TXNRD1: variants seen among roughly 807,000 people sequenced by gnomAD.
TXNRD1 encodes thioredoxin reductase 1, also known as thioredoxin reductase 1, cytoplasmic.
Under a neutral mutation model 80.3 loss-of-function variants are expected in TXNRD1, and 57 were observed. The ratio of observed to expected loss-of-function variants is 0.71; its 90% CI spans 0.57 to 0.89. TXNRD1 has a LOEUF of 0.89. Ranked by LOEUF, TXNRD1 falls within the 40% of genes least tolerant of loss-of-function variation. The pLI is 0.00. For synonymous variants in TXNRD1, 291 were observed against 285.2 expected (o/e 1.02, Z -0.20); for missense variants, 730 against 803.0 (o/e 0.91, Z 1.10).
At chr12:104,307,981 C>A (rs933172266) in intron 4 of TXNRD1, among the ~76,000 whole-genome samples, 1 of 150,742 alleles carries the variant, frequency 6.6e-6, no homozygotes, top group Non-Finnish European at 1.5e-5. Flanking sequence ...TAGTAAGATG[C>A]TGTTTGCCCT....
intron 3 of TXNRD1, chr12:104,288,596 C>T: frequency 2.5e-6 from 1 of 401,308 alleles, no homozygotes; most frequent in African/African-American, 2.0e-5. Context: ...TTTTTTGAAG[C>T]TTTTCTGAAT....
chr12:104,277,127 C>T (rs544568103), intron 3 of TXNRD1, among the ~76,000 whole-genome samples: 1 of 151,244 alleles, frequency 6.6e-6, no homozygotes, highest in Admixed American at 6.6e-5. Flanking sequence ...TGCGGTGGCT[C>T]ATGACTGTAA....
In TXNRD1 at chr12:104,348,532, C is replaced by T. The variant is rs11611385; in HGVS notation, c.*111C>T. On this transcript the variant is annotated 3_prime_UTR_variant, in exon 17 of 17. Transcript: ENST00000525566. ...CTTGGGCTCTTGGCACCTGCGTGTCCTGTGCTTACCACCGCCCAAGGCCCC... is the reference window on the plus strand; with the variant it reads ...CTTGGGCTCTTGGCACCTGCGTGTCTTGTGCTTACCACCGCCCAAGGCCCC... 84,631 of 997,014 alleles carry T rather than the reference C, an allele frequency of 0.085. 4,758 individuals carry two copies. The highest frequency in any genetic ancestry group is 0.22 in the East Asian group (9,279 of 41,482). The allele number at this position is 997,014 out of a possible 1,614,324, so 61.8% of individuals were successfully genotyped here.
Position 104,316,611 on chromosome 12 carries a change from G to A in TXNRD1, c.730+715G>A, listed in dbSNP as rs182258717. Among the ~76,000 whole-genome samples, 128 of 152,122 alleles carry A rather than the reference G, an allele frequency of 8.4e-4. 1 individual carries two copies. The highest frequency in any genetic ancestry group is 1.9e-3 in the Admixed American group (29 of 15,272). On this transcript the variant is annotated intron_variant, in intron 7 of 16. Transcript: ENST00000525566. ...TTACCATGTTAGCCAGGATGGTCTC[G>A]ATCTCCTGACCTCATGATCCACCTG...
intron 6 of TXNRD1, 43 bp downstream of exon 6, chr12:104,313,360 T>G: frequency 6.8e-7 from 1 of 1,464,920 alleles, no homozygotes; most frequent in Non-Finnish European, 9.2e-7. Context: ...GCCGAAGTAG[T>G]TTTCCCCTGG....
intron 1 of TXNRD1, among the ~76,000 whole-genome samples, chr12:104,241,447 C>T (rs12303879): frequency 0.023 from 3,457 of 151,950 alleles, 128 homozygotes; most frequent in African/African-American, 0.075. Context: ...CTCGGCTCAC[C>T]GCAAACTTCG....
intron 1 of TXNRD1, among the ~76,000 whole-genome samples, chr12:104,235,139 G>C (rs185688266): frequency 2.6e-5 from 4 of 152,290 alleles, no homozygotes; most frequent in Admixed American, 2.6e-4. Flanking sequence ...CATTCTTCTG[G>C]TCACTGTGAG....
At chr12:104,265,125 G>A (rs1340258306) in intron 3 of TXNRD1, among the ~76,000 whole-genome samples, 5 of 151,996 alleles carry the variant, frequency 3.3e-5, no homozygotes, top group African/African-American at 9.7e-5. Flanking sequence ...GGTGGCATGC[G>A]CCTGTAGTCC....
At chr12:104,227,926 A>C (rs562535491) in intron 1 of TXNRD1, among the ~76,000 whole-genome samples, 61 of 152,218 alleles carry the variant, frequency 4.0e-4, no homozygotes, top group African/African-American at 1.4e-3. Context: ...TTGTCCTTTC[A>C]TTCATTGAAG....
intron 3 of TXNRD1, among the ~76,000 whole-genome samples, chr12:104,277,417 TAGTC>T (rs1417596137): frequency 7.1e-6 from 1 of 141,682 alleles, no homozygotes; most frequent in Non-Finnish European, 1.5e-5. Flanking sequence ...AAAAAAAAAT[TAGTC>T]AGGCACGGTA....
chr12:104,302,714 C>T (rs1393243442), intron 4 of TXNRD1, among the ~76,000 whole-genome samples: 1 of 152,016 alleles, frequency 6.6e-6, no homozygotes, highest in African/African-American at 2.4e-5. Flanking sequence ...TGGTCTCGAT[C>T]TCCTGACCTC....
chr12:104,224,575 G>A (rs1313667308), intron 1 of TXNRD1, among the ~76,000 whole-genome samples: 7 of 151,948 alleles, frequency 4.6e-5, no homozygotes, highest in Admixed American at 1.3e-4. Context: ...TAGTAAAGAC[G>A]GGGTTTCACC....
At chr12:104,345,984 G>A (rs2036477325) in intron 16 of TXNRD1, 1 of 1,288,722 alleles carries the variant, frequency 7.8e-7, no homozygotes, top group Non-Finnish European at 1.0e-6. Flanking sequence ...TAAAACAGTT[G>A]TGTACGAATG....
intron 4 of TXNRD1, among the ~76,000 whole-genome samples, chr12:104,303,587 G>T (rs945442993): frequency 6.6e-6 from 1 of 152,248 alleles, no homozygotes; most frequent in Non-Finnish European, 1.5e-5. Flanking sequence ...TTAGTCGCGT[G>T]TGAGGTCAGG....
At chr12:104,310,671 G>C (rs187679177) in intron 4 of TXNRD1, among the ~76,000 whole-genome samples, 47 of 152,300 alleles carry the variant, frequency 3.1e-4, no homozygotes, top group Non-Finnish European at 6.2e-4. Flanking sequence ...ATAAAAGTCT[G>C]TTACTTGCTA....
intron 3 of TXNRD1, among the ~76,000 whole-genome samples, chr12:104,285,734 A>C (rs1428726425): frequency 6.6e-6 from 1 of 152,148 alleles, no homozygotes; most frequent in African/African-American, 2.4e-5. Flanking sequence ...AAGGCATATA[A>C]AATTATTAAT....
chr12:104,299,335 A>G, intron 4 of TXNRD1, among the ~76,000 whole-genome samples: 1 of 152,056 alleles, frequency 6.6e-6, no homozygotes. Context: ...GTCCCCTCCC[A>G]CAGTCTGTGG....
At chr12:104,304,420 G>GTTT in intron 4 of TXNRD1, 1 of 1,613,958 alleles carries the variant, frequency 6.2e-7, no homozygotes. Context: ...CATCCTGGAT[G>GTTT]GTAAAAGCTG....
intron 1 of TXNRD1, among the ~76,000 whole-genome samples, chr12:104,232,375 A>G (rs1487413104): frequency 6.6e-6 from 1 of 152,152 alleles, no homozygotes; most frequent in Non-Finnish European, 1.5e-5. Context: ...ATCCTGGCCA[A>G]CATGGTGAAA....
Sources: gnomAD v4.1 joint callset for allele counts (sites outside exome capture counted in the v4.1 genomes callset) on GRCh38, gnomAD v4.1.1 for gene constraint, MANE v1.5 for transcripts, NCBI Gene and HGNC (gene_info 2026-07-23, HGNC 2026-07-21) for gene names.